INPP4B: variants seen among roughly 807,000 people sequenced by gnomAD.
INPP4B encodes inositol polyphosphate 4-phosphatase type II.
Under a neutral mutation model 122.5 loss-of-function variants are expected in INPP4B, and 55 were observed. That is an observed-to-expected ratio of 0.45 (90% CI 0.36 to 0.56). The LOEUF is 0.56. INPP4B is among the 20% of genes least tolerant of loss of function. INPP4B has a pLI of 0.00. For synonymous variants in INPP4B, 403 were observed against 388.7 expected (o/e 1.04, Z -0.43); for missense variants, 1,000 against 1,097.7 (o/e 0.91, Z 1.26).
At chr4:142,786,481 T>C (rs544834194) in intron 1 of INPP4B, among the ~76,000 whole-genome samples, 3 of 152,128 alleles carry the variant, frequency 2.0e-5, no homozygotes, top group South Asian at 2.1e-4. Context: ...ATTCAAATAA[T>C]GTATGTAGAT....
chr4:142,190,349 T>C (rs1835241385), intron 15 of INPP4B, among the ~76,000 whole-genome samples: 1 of 152,336 alleles, frequency 6.6e-6, no homozygotes, highest in East Asian at 1.9e-4. Context: ...TAGTCATTTT[T>C]ACTTCTATAC....
chr4:142,392,941 G>A (rs1380259040), intron 7 of INPP4B, among the ~76,000 whole-genome samples: 2 of 152,132 alleles, frequency 1.3e-5, no homozygotes, highest in Non-Finnish European at 2.9e-5. Context: ...CGGACCCTGG[G>A]TAAGGAGGAT....
intron 11 of INPP4B, among the ~76,000 whole-genome samples, chr4:142,244,785 A>T (rs1727051406): frequency 6.6e-6 from 1 of 152,156 alleles, no homozygotes; most frequent in South Asian, 2.1e-4. Context: ...CTGGTTCTAG[A>T]TCCTTGAGGA....
chr4:142,830,429 G>T (rs1781978747), intron 1 of INPP4B, among the ~76,000 whole-genome samples: 2 of 152,092 alleles, frequency 1.3e-5, no homozygotes, highest in African/African-American at 2.4e-5. Flanking sequence ...AAATGGAAAG[G>T]TATAGAAAAT....
At chr4:142,783,539 C>G (rs780429804) in intron 1 of INPP4B, among the ~76,000 whole-genome samples, 1 of 152,120 alleles carries the variant, frequency 6.6e-6, no homozygotes, top group Non-Finnish European at 1.5e-5. Context: ...ATTGACCTGG[C>G]TTCCTTTCCC....
intron 2 of INPP4B, among the ~76,000 whole-genome samples, chr4:142,512,672 C>G (rs1009074464): frequency 2.0e-5 from 3 of 152,148 alleles, no homozygotes; most frequent in Non-Finnish European, 4.4e-5. Flanking sequence ...TAGTCGTCGT[C>G]ATCATCATCA....
At chr4:142,525,863 G>T (rs1249698853) in intron 2 of INPP4B, among the ~76,000 whole-genome samples, 1 of 150,764 alleles carries the variant, frequency 6.6e-6, no homozygotes, top group African/African-American at 2.4e-5. Flanking sequence ...CAAAAGCAAT[G>T]GCAACAAAAG....
intron 25 of INPP4B, among the ~76,000 whole-genome samples, chr4:142,045,007 C>G (rs1422137372): frequency 6.6e-6 from 1 of 152,114 alleles, no homozygotes; most frequent in Non-Finnish European, 1.5e-5. Context: ...GCAATATATT[C>G]TCAGCCCTTT....
intron 2 of INPP4B, among the ~76,000 whole-genome samples, chr4:142,622,901 T>A (rs979174793): frequency 2.6e-5 from 4 of 151,952 alleles, no homozygotes; most frequent in Non-Finnish European, 4.4e-5. Context: ...ACAAAATATA[T>A]TCATAGCACT....
intron 2 of INPP4B, among the ~76,000 whole-genome samples, chr4:142,673,509 G>A (rs1205618208): frequency 6.6e-6 from 1 of 151,840 alleles, no homozygotes; most frequent in East Asian, 1.9e-4. Flanking sequence ...GCAACCTGAT[G>A]ATCCCTTGGG....
intron 2 of INPP4B, among the ~76,000 whole-genome samples, chr4:142,550,804 G>C (rs1294639697): frequency 6.6e-6 from 1 of 151,986 alleles, no homozygotes; most frequent in Non-Finnish European, 1.5e-5. Flanking sequence ...TAGGGAGAGA[G>C]ATATGCAAAT....
chr4:142,577,264 T>C (rs888766931), intron 2 of INPP4B, among the ~76,000 whole-genome samples: 2 of 152,052 alleles, frequency 1.3e-5, no homozygotes, highest in Admixed American at 1.3e-4. Context: ...ATGTGTAGTG[T>C]TCAGTGTCTG....
intron 25 of INPP4B, among the ~76,000 whole-genome samples, chr4:142,064,690 A>C (rs1762625036): frequency 6.6e-6 from 1 of 152,068 alleles, no homozygotes; most frequent in African/African-American, 2.4e-5. Flanking sequence ...CTTTTGTTCT[A>C]GTCTATTTTC....
chr4:142,434,007 A>G (rs534447612), intron 3 of INPP4B, among the ~76,000 whole-genome samples: 1 of 152,292 alleles, frequency 6.6e-6, no homozygotes, highest in East Asian at 1.9e-4. Flanking sequence ...ATTACATGTA[A>G]AAAATTGTAA....
At chr4:142,769,957 C>T (rs17732348) in intron 1 of INPP4B, among the ~76,000 whole-genome samples, 8,965 of 152,050 alleles carry the variant, frequency 0.059, 314 homozygotes, top group Middle Eastern at 0.078. Context: ...GTGCAAATAC[C>T]TTTGGACCCA....
chr4:142,040,623 A>T (rs1407961478), intron 25 of INPP4B, among the ~76,000 whole-genome samples: 2 of 152,212 alleles, frequency 1.3e-5, no homozygotes, highest in Non-Finnish European at 2.9e-5. Context: ...GGATTTCTAC[A>T]AAGAAATAGG....
intron 5 of INPP4B, among the ~76,000 whole-genome samples, chr4:142,414,540 GA>G (rs1805287800): frequency 6.6e-6 from 1 of 152,124 alleles, no homozygotes; most frequent in South Asian, 2.1e-4. Flanking sequence ...ATTTGCATAT[GA>G]AAAGAAAAAA....
chr4:142,227,848 ACT>A (rs1852228532), intron 12 of INPP4B, among the ~76,000 whole-genome samples: 1 of 125,842 alleles, frequency 7.9e-6, no homozygotes. Flanking sequence ...ACAGAGGGAG[ACT>A]CTATCTAAAA....
chr4:142,245,500 G>A (rs1203709554), intron 11 of INPP4B, among the ~76,000 whole-genome samples: 1 of 152,046 alleles, frequency 6.6e-6, no homozygotes, highest in Non-Finnish European at 1.5e-5. Context: ...GTATTTTATT[G>A]AGGATTTTCG....
Sources: allele counts gnomAD v4.1 joint callset (sites outside exome capture counted in the v4.1 genomes callset), GRCh38; gene constraint gnomAD v4.1.1; transcripts MANE v1.5; gene names NCBI Gene and HGNC (gene_info 2026-07-23, HGNC 2026-07-21).